The following STX12 variants were observed in gnomAD, a reference collection of about 807,000 sequenced individuals.
STX12 encodes syntaxin 12, also known as syntaxin-12.
Under a neutral mutation model 42.2 loss-of-function variants are expected in STX12, and 17 were observed. The ratio of observed to expected loss-of-function variants is 0.40; its 90% CI spans 0.28 to 0.60. The LOEUF is 0.60. Among genes scored for constraint, STX12 ranks in the 20% least tolerant of loss-of-function variants. The pLI, the probability that STX12 is intolerant of heterozygous loss-of-function variation, is 0.39. For synonymous variants in STX12, 108 were observed against 116.7 expected (o/e 0.93, Z 0.48); for missense variants, 297 against 330.9 (o/e 0.90, Z 0.79).
chr1:27,816,330 C>T (rs536063731), intron 6 of STX12, among the ~76,000 whole-genome samples: 2 of 151,708 alleles, frequency 1.3e-5, no homozygotes, highest in Admixed American at 6.6e-5. Flanking sequence ...AAAAAATAGC[C>T]GGGCGTGGTG....
In STX12 at chr1:27,822,253, G is replaced by A; in HGVS notation, c.755G>A (p.Cys252Tyr). Residue 252 changes from cysteine to tyrosine, a missense_variant, in exon 9 of 9, where the codon TGT becomes TAT. Coordinates refer to ENST00000373943, the MANE Select transcript of STX12 (RefSeq NM_177424.3). ...CAGAAAAAATCTCGCAAGAAGATGTGTATCCTGGTGCTTGTCCTGTCAGTG... is the reference window on the plus strand; with the variant it reads ...CAGAAAAAATCTCGCAAGAAGATGTATATCCTGGTGCTTGTCCTGTCAGTG... ...YYQKKSRKKM[C>Y]ILVLVLSVII... 2 of 1,612,934 alleles carry A rather than the reference G, an allele frequency of 1.2e-6. No homozygotes were observed. The highest frequency in any genetic ancestry group is 1.7e-6 in the Non-Finnish European group (2 of 1,178,968).
intron 6 of STX12, among the ~76,000 whole-genome samples, chr1:27,812,771 G>A (rs543841270): frequency 6.6e-6 from 1 of 152,216 alleles, no homozygotes; most frequent in East Asian, 1.9e-4. Flanking sequence ...ATTGGCCTTG[G>A]TGCCCAGGAG....
At chr1:27,818,028 G>A in intron 7 of STX12, 105 bp downstream of exon 7, 1 of 871,990 alleles carries the variant, frequency 1.1e-6, no homozygotes, top group Non-Finnish European at 1.8e-6. Flanking sequence ...CCATCTAGGA[G>A]TTTGAAGCCA....
Position 27,822,710 on chromosome 1 carries a change from G to A in STX12, c.*381G>A, listed in dbSNP as rs1056441266. The A allele has an allele frequency of 1.8e-5, 3 of 164,720 alleles. No individual in the cohort carries two copies. The highest frequency in any genetic ancestry group is 7.3e-5 in the African/African-American group (3 of 41,270). The allele number at this position is 164,720 out of a possible 1,614,324, so 10.2% of individuals were successfully genotyped here. A position where few individuals can be genotyped will look rare whatever the true frequency, so the allele number is the denominator to read the frequency against. ...TACCTTTTTACTAGCATCTGAGATA[G>A]AGTTACTTTCTGGTACCCAGTATAT... On this transcript the variant is annotated 3_prime_UTR_variant, in exon 9 of 9. Transcript: ENST00000373943.
At chr1:27,777,600 T>C (rs1391677202) in intron 1 of STX12, among the ~76,000 whole-genome samples, 1 of 152,090 alleles carries the variant, frequency 6.6e-6, no homozygotes, top group African/African-American at 2.4e-5. Flanking sequence ...GTTGAGATTC[T>C]TCCAGGCCGG....
chr1:27,804,434 A>AT (rs943676241), intron 4 of STX12, among the ~76,000 whole-genome samples: 8 of 151,758 alleles, frequency 5.3e-5, no homozygotes, highest in East Asian at 1.9e-4. Context: ...CTCAAAAAAA[A>AT]ATATCATTAA....
intron 1 of STX12, among the ~76,000 whole-genome samples, chr1:27,784,895 A>G (rs1438662881): frequency 6.6e-6 from 1 of 152,082 alleles, no homozygotes; most frequent in East Asian, 1.9e-4. Flanking sequence ...AATATTCCCA[A>G]CACCCCCACT....
intron 2 of STX12, among the ~76,000 whole-genome samples, chr1:27,789,856 G>A (rs749271528): frequency 5.3e-5 from 8 of 152,096 alleles, no homozygotes; most frequent in Non-Finnish European, 1.0e-4. Context: ...TTCTCCTCTT[G>A]GGCAGTTTAG....
intron 1 of STX12, among the ~76,000 whole-genome samples, chr1:27,780,986 G>C (rs1408391092): frequency 1.3e-5 from 2 of 152,028 alleles, no homozygotes; most frequent in Non-Finnish European, 2.9e-5. Context: ...ATGTTTGAAA[G>C]TGTCTGGTAT....
At chr1:27,802,202 T>C (rs1413806809) in intron 4 of STX12, among the ~76,000 whole-genome samples, 1 of 152,184 alleles carries the variant, frequency 6.6e-6, no homozygotes, top group African/African-American at 2.4e-5. Context: ...CTCAAAAGTA[T>C]CAAAGATTAT....
At chr1:27,812,454 T>C (rs112562299) in intron 6 of STX12, among the ~76,000 whole-genome samples, 186 bp downstream of exon 6, 2 of 151,924 alleles carry the variant, frequency 1.3e-5, no homozygotes, top group Non-Finnish European at 2.9e-5. Context: ...TTTTTTTTTT[T>C]ATCTTGGATG....
At chr1:27,818,421 ATAGAGT>A (rs1341233111) in intron 7 of STX12, among the ~76,000 whole-genome samples, 2 of 152,052 alleles carry the variant, frequency 1.3e-5, no homozygotes, top group East Asian at 1.9e-4. Flanking sequence ...CATATCAGCT[ATAGAGT>A]TAAAGTATGT....
intron 2 of STX12, among the ~76,000 whole-genome samples, chr1:27,789,899 C>T (rs189335885): frequency 1.3e-5 from 2 of 152,252 alleles, no homozygotes; most frequent in East Asian, 1.9e-4. Context: ...AAAGGGAATT[C>T]GTACCACTAT....
rs1299211042 is a variant in STX12 at position 27,800,512 on chromosome 1, TGTG to T, written c.289-1165_289-1163del. ...TGGTGTGTGTGTGTGTGTGTGTGTG[TGTG>T]TGTGTGTGTGTGTGTGTTTTGTTTT... On this transcript the variant is annotated intron_variant, in intron 3 of 8. Transcript: ENST00000373943. Among the ~76,000 whole-genome samples the T allele has an allele frequency of 2.0e-5, 3 of 151,200 alleles. No homozygotes were observed. In the East Asian group the frequency reaches 5.8e-4, roughly 29 times the overall value.
At chr1:27,790,882 G>A (rs181938741) in intron 2 of STX12, among the ~76,000 whole-genome samples, 11 of 151,710 alleles carry the variant, frequency 7.3e-5, no homozygotes, top group Admixed American at 5.2e-4. Context: ...CGGAGGTTGC[G>A]GTGAGCCAAG....
At chr1:27,796,640 C>T (rs915981897) in intron 3 of STX12, among the ~76,000 whole-genome samples, 1 of 152,056 alleles carries the variant, frequency 6.6e-6, no homozygotes, top group Non-Finnish European at 1.5e-5. Context: ...AATCCTCTCT[C>T]CTCAGCCTCC....
At chr1:27,778,674 G>T (rs2088643708) in intron 1 of STX12, among the ~76,000 whole-genome samples, 1 of 150,460 alleles carries the variant, frequency 6.6e-6, no homozygotes, top group South Asian at 2.1e-4. Context: ...TCCAGCCTGG[G>T]CAACAGAGCG....
intron 1 of STX12, among the ~76,000 whole-genome samples, chr1:27,779,329 T>TG: frequency 6.8e-6 from 1 of 146,564 alleles, no homozygotes; most frequent in African/African-American, 2.7e-5. Context: ...TTTTTTTTGT[T>TG]TTTGTTTTTT....
At chr1:27,817,331 G>A (rs1459299070) in intron 6 of STX12, among the ~76,000 whole-genome samples, 1 of 152,172 alleles carries the variant, frequency 6.6e-6, no homozygotes. Flanking sequence ...TTACCATAGG[G>A]CATTGTCCAG....
Sources: allele counts gnomAD v4.1 joint callset (sites outside exome capture counted in the v4.1 genomes callset), GRCh38; gene constraint gnomAD v4.1.1; transcripts MANE v1.5; gene names NCBI Gene and HGNC (gene_info 2026-07-23, HGNC 2026-07-21).